The following GLB1L2 variants were observed in gnomAD, a reference collection of about 807,000 sequenced individuals.
GLB1L2 encodes the protein galactosidase beta 1 like 2, also known as beta-galactosidase-1-like protein 2.
Under a neutral mutation model 84.1 loss-of-function variants are expected in GLB1L2, and 68 were observed. The observed-to-expected ratio is 0.81, with a 90% CI of 0.67 to 0.99. The LOEUF is 0.99. GLB1L2 is among the 50% of genes least tolerant of loss of function. The pLI is 0.00. For missense variants in GLB1L2, 762 were observed against 805.6 expected, an observed-to-expected ratio of 0.95 and a Z score of 0.66; for synonymous variants, 290 against 318.0, an observed-to-expected ratio of 0.91 and a Z score of 0.94.
At chr11:134,349,474 A>G (rs1173563350) in intron 5 of GLB1L2, among the ~76,000 whole-genome samples, 1 of 152,336 alleles carries the variant, frequency 6.6e-6, no homozygotes, top group Admixed American at 6.5e-5. Flanking sequence ...AAATTGCTGG[A>G]TCAACTTGTC....
intron 5 of GLB1L2, among the ~76,000 whole-genome samples, chr11:134,351,603 C>T (rs1161573495): frequency 6.6e-6 from 1 of 152,134 alleles, no homozygotes; most frequent in East Asian, 1.9e-4. Context: ...CCTCAGCCTC[C>T]CAAAGTGCTG....
At chr11:134,362,746 G>A (rs1413980725) in intron 7 of GLB1L2, among the ~76,000 whole-genome samples, 2 of 152,226 alleles carry the variant, frequency 1.3e-5, no homozygotes, top group Non-Finnish European at 2.9e-5. Flanking sequence ...GGGTTCTCAG[G>A]CAGGATGGCC....
intron 4 of GLB1L2, chr11:134,347,068 G>T: frequency 2.2e-6 from 1 of 459,822 alleles, no homozygotes; most frequent in East Asian, 3.4e-5. Context: ...CTGGCAGCCA[G>T]GCCCTGTAGC....
intron 8 of GLB1L2, 153 bp downstream of exon 8, chr11:134,364,551 A>G: frequency 1.5e-6 from 1 of 651,502 alleles, no homozygotes; most frequent in Non-Finnish European, 2.7e-6. Flanking sequence ...GTGTGCCTGC[A>G]AGGCCCGCTG....
At chr11:134,347,531 T>C (rs1369374160) in intron 5 of GLB1L2, 98 bp downstream of exon 5, 4 of 815,658 alleles carry the variant, frequency 4.9e-6, no homozygotes, top group Non-Finnish European at 8.7e-6. Context: ...TCCAGTGTTT[T>C]GAACACACGA....
intron 17 of GLB1L2, 111 bp from the exon 18 acceptor site, chr11:134,374,491 A>G (rs765023248): frequency 9.1e-6 from 8 of 877,378 alleles, no homozygotes; most frequent in Admixed American, 1.8e-5. Flanking sequence ...ATGGCTGTCC[A>G]GACACAGCTC....
intron 5 of GLB1L2, among the ~76,000 whole-genome samples, chr11:134,355,674 T>G (rs1159676939): frequency 6.6e-6 from 1 of 152,198 alleles, no homozygotes; most frequent in Non-Finnish European, 1.5e-5. Context: ...CATTTTCTTT[T>G]GCTGTAATTC....
intron 18 of GLB1L2, 63 bp downstream of exon 18, chr11:134,374,781 C>A: frequency 7.1e-7 from 1 of 1,409,030 alleles, no homozygotes; most frequent in Non-Finnish European, 1.0e-6. Flanking sequence ...TCCCAGGGAG[C>A]CTTCGGTCAG....
rs777254116 is a variant in GLB1L2, at chr11:134,373,838, A to C, written c.1595+30A>C. 1.6e-5 allele frequency: 23 copies of C among 1,459,878 alleles called. No individual in the cohort carries two copies. In the South Asian group the frequency reaches 2.6e-4, roughly 16 times the overall value. The allele number at this position is 1,459,878 out of a possible 1,614,324, so 90.4% of individuals were successfully genotyped here. A position where few individuals can be genotyped will look rare whatever the true frequency, so the allele number is the denominator to read the frequency against. Reference sequence around the variant, plus strand: ...GTCCCTGCCCAGCACCAGCCCTTGCACTCACAGGTATAGTGCTGTGTGGTG... The same window carrying C: ...GTCCCTGCCCAGCACCAGCCCTTGCCCTCACAGGTATAGTGCTGTGTGGTG... On this transcript the variant is annotated intron_variant, in intron 16 of 18. Transcript: ENST00000535456.
In GLB1L2 at chr11:134,356,402, C is replaced by T. The variant is rs1191099757; in HGVS notation, c.651+9C>T. On this transcript the variant is annotated intron_variant, in intron 6 of 18. Coordinates refer to ENST00000535456, the MANE Select transcript of GLB1L2 (RefSeq NM_001370461.1). ...TGCCCTACGTCAAGAAGGTAAGAATCCTCTTAGTGCGTTTCTTTAGATTCC... is the reference window on the plus strand; with the variant it reads ...TGCCCTACGTCAAGAAGGTAAGAATTCTCTTAGTGCGTTTCTTTAGATTCC... The T allele has an allele frequency of 4.4e-6, 7 of 1,588,844 alleles. No homozygotes were observed. The South Asian group carries it at 7.7e-5, about 18-fold the overall frequency.
At position 134,375,169 on chromosome 11, in the gene GLB1L2, C is replaced by A; in HGVS notation, c.*111C>A. The A allele has an allele frequency of 1.3e-6, 1 of 780,778 alleles. No homozygotes were observed. The highest frequency in any genetic ancestry group is 2.1e-6 in the Non-Finnish European group (1 of 473,826). 48.4% of individuals were successfully genotyped at this position (780,778 alleles called of 1,614,324 possible). ...ACTGCAAAAGCATCTCCTTAAGTAG[C>A]AACCTCAGGGACTGGGGGCTACAGT... On this transcript the variant is annotated 3_prime_UTR_variant, in exon 19 of 19. Coordinates refer to ENST00000535456, the MANE Select transcript of GLB1L2 (RefSeq NM_001370461.1).
chr11:134,370,940 C>G lies in GLB1L2; in HGVS notation c.1216-68C>G. ...CGCTTCCACCCCATGTGCCAGCCCC[C>G]AGGCAGAGTCTGTCTGTGACCCCAC... On this transcript the variant is annotated intron_variant, in intron 12 of 18. Coordinates refer to ENST00000535456, the MANE Select transcript of GLB1L2 (RefSeq NM_001370461.1). The surrounding 1 kb of genome is among the most constrained non-coding windows in gnomAD (Gnocchi z 4.7). The G allele has an allele frequency of 6.3e-6, 10 of 1,580,022 alleles. No homozygotes were observed. Among genetic ancestry groups the G allele is most frequent in the Non-Finnish European group, 7.8e-6 (9 of 1,159,770 alleles).
At chr11:134,359,178 C>T (rs540388475) in intron 7 of GLB1L2, 37 bp downstream of exon 7, 15 of 1,476,450 alleles carry the variant, frequency 1.0e-5, no homozygotes, top group East Asian at 4.8e-5. Flanking sequence ...GGGCTGGCGG[C>T]GGCCCTGGGC....
chr11:134,371,126 GC>G lies in GLB1L2; in HGVS notation c.1336del (p.His446ThrfsTer10). On this transcript the variant is annotated frameshift_variant, in exon 13 of 19. Transcript: ENST00000535456. LOFTEE classifies it high-confidence loss of function. The stretch of plus-strand genomic sequence containing the variant: ...ATCACCTCGTCTGGCATCCTCAGTG[GC>G]CACGTGCATGATCGGGGGCAGGTAG... ...TSITSSGILS[G>X]HVHDRGQVFV... is the part of the protein sequence containing the mutation. The G allele has an allele frequency of 6.2e-7, 1 of 1,614,182 alleles. No homozygotes were observed.
rs1432969601 is a variant in GLB1L2, at chr11:134,367,297, G to T, written c.845G>T (p.Trp282Leu). ...ATGGTGATGGAGTACTGGACGGGGT[G>T]GTTTGACTCGTGGGGAGGCCCTCAC... ...PKMVMEYWTG[W>L]FDSWGGPHNI... The change falls in exon 9 of 19, where the codon TGG (tryptophan) becomes TTG (leucine). Residue 282 changes from tryptophan (W) to leucine (L), a missense_variant. Physicochemically the swap from Trp to Leu is moderately conservative, Grantham distance 61 (BLOSUM62 -2). This residue lies in a region of GLB1L2 where 603 missense variants were observed against 611.7 expected (regional missense o/e 0.99). Transcript: ENST00000535456. 1 of 1,614,130 alleles carries T rather than the reference G, an allele frequency of 6.2e-7. No homozygotes were observed. Among genetic ancestry groups the T allele is most frequent in the Non-Finnish European group, 8.5e-7 (1 of 1,180,016 alleles).
chr11:134,352,065 T>C (rs930616696), intron 5 of GLB1L2, among the ~76,000 whole-genome samples: 10 of 152,178 alleles, frequency 6.6e-5, no homozygotes, highest in African/African-American at 2.4e-4. Flanking sequence ...AGTGAAGCCA[T>C]CTGGTCCTGG....
At chr11:134,374,368 G>A (rs1210120897) in intron 17 of GLB1L2, 112 bp downstream of exon 17, 23 of 917,598 alleles carry the variant, frequency 2.5e-5, no homozygotes, top group Non-Finnish European at 3.7e-5. Flanking sequence ...TGTGCCCAGA[G>A]GGTCTGAGAG....
intron 7 of GLB1L2, among the ~76,000 whole-genome samples, chr11:134,362,508 G>A (rs1943810085): frequency 6.6e-6 from 1 of 152,236 alleles, no homozygotes; most frequent in Non-Finnish European, 1.5e-5. Flanking sequence ...CTTCCCCCTG[G>A]GATGACTGGG....
rs933503861 is a variant in GLB1L2, at chr11:134,374,720, T to G, written c.1824+2T>G. Reference sequence around the variant, plus strand: ...TGGTTGAGCAGCGGAATCAACCAGGTGGGAGCTTCCAGCCCCTTCCTGTTC... The same window carrying G: ...TGGTTGAGCAGCGGAATCAACCAGGGGGGAGCTTCCAGCCCCTTCCTGTTC... On this transcript the variant is annotated splice_donor_variant, in intron 18 of 18. Transcript: ENST00000535456. LOFTEE classifies it high-confidence loss of function. The G allele has an allele frequency of 6.2e-7, 1 of 1,608,204 alleles. No homozygotes were observed. Among genetic ancestry groups the G allele is most frequent in the African/African-American group, 1.3e-5 (1 of 74,912 alleles).
Sources: allele counts gnomAD v4.1 joint callset (sites outside exome capture counted in the v4.1 genomes callset), GRCh38; gene constraint gnomAD v4.1.1; regional missense constraint gnomAD v4.1.1; non-coding constraint Gnocchi (gnomAD v3.1); transcripts MANE v1.5; gene names NCBI Gene and HGNC (gene_info 2026-07-23, HGNC 2026-07-21).